Variants in PCMTD1 observed in about 807,000 individuals in gnomAD.
The protein encoded by PCMTD1 is protein-L-isoaspartate O-methyltransferase domain-containing protein 1.
In PCMTD1, 12 loss-of-function variants were observed where a neutral mutation model predicts 37.6. The observed-to-expected ratio is 0.32, with a 90% CI of 0.20 to 0.52. The LOEUF is 0.52. Among genes scored for constraint, PCMTD1 ranks in the 20% least tolerant of loss-of-function variants. PCMTD1 has a pLI of 0.97. For synonymous variants in PCMTD1, 117 were observed against 135.8 expected (o/e 0.86, Z 0.96); for missense variants, 235 against 421.3 (o/e 0.56, Z 3.87).
intron 1 of PCMTD1, among the ~76,000 whole-genome samples, chr8:51,861,485 G>GT (rs1271692677): frequency 3.9e-5 from 6 of 152,136 alleles, no homozygotes; most frequent in Non-Finnish European, 8.8e-5. Flanking sequence ...AAGAAGTCAA[G>GT]TAAGTCACCT....
chr8:51,817,997 C>T lies in PCMTD1; in HGVS notation c.*2354G>A. 1 of 453,978 alleles carries T rather than the reference C, an allele frequency of 2.2e-6. No homozygotes were observed. The highest frequency in any genetic ancestry group is 1.6e-5 in the South Asian group (1 of 64,110). 28.1% of individuals were successfully genotyped at this position (453,978 alleles called of 1,614,324 possible). On this transcript the variant is annotated 3_prime_UTR_variant, in exon 6 of 6. Coordinates refer to ENST00000522514, the MANE Select transcript of PCMTD1 (RefSeq NM_052937.4). ...AGCTATAAAATTCCAATACTATATT[C>T]CCCATCATTTTCACTTACTTTTACT...
intron 1 of PCMTD1, among the ~76,000 whole-genome samples, chr8:51,892,691 ACT>A (rs1228178237): frequency 6.6e-6 from 1 of 152,092 alleles, no homozygotes; most frequent in African/African-American, 2.4e-5. Flanking sequence ...TCTATAATAT[ACT>A]CTGAGGCTGA....
intron 1 of PCMTD1, among the ~76,000 whole-genome samples, chr8:51,864,934 T>C (rs13267241): frequency 0.51 from 77,040 of 151,218 alleles, 23,648 homozygotes; most frequent in Non-Finnish European, 0.68. Flanking sequence ...ATAAACAAAA[T>C]CAAAAAACCT....
At chr8:51,859,619 C>T (rs2038442687) in intron 2 of PCMTD1, among the ~76,000 whole-genome samples, 1 of 151,830 alleles carries the variant, frequency 6.6e-6, no homozygotes, top group Non-Finnish European at 1.5e-5. Flanking sequence ...CCTGACTATA[C>T]CTTAAAAGTC....
intron 1 of PCMTD1, among the ~76,000 whole-genome samples, chr8:51,890,029 C>A (rs2038916253): frequency 6.6e-6 from 1 of 151,244 alleles, no homozygotes; most frequent in Admixed American, 6.6e-5. Flanking sequence ...TATATAAAGC[C>A]TTTTTGTCAT....
rs1006855845 is a variant in PCMTD1, at chr8:51,895,158, C to A, written c.-96+3772G>T. Among the ~76,000 whole-genome samples, 10 of 152,138 alleles carry A rather than the reference C, an allele frequency of 6.6e-5. No individual in the cohort carries two copies. The East Asian group carries it at 1.9e-3, about 29-fold the overall frequency. ...GAAAAGAACTAAACCTAAGGTAACA[C>A]CTACAGGCAACATCTATCTATACTT... is the stretch of plus-strand genomic sequence containing the variant. On this transcript the variant is annotated intron_variant, in intron 1 of 5. Transcript: ENST00000522514.
chr8:51,894,240 T>A (rs1300505320), intron 1 of PCMTD1, among the ~76,000 whole-genome samples: 1 of 152,238 alleles, frequency 6.6e-6, no homozygotes, highest in Non-Finnish European at 1.5e-5. Flanking sequence ...AACTGAAGTT[T>A]ACATTCTTTT....
At chr8:51,870,797 T>C (rs1271402307) in intron 1 of PCMTD1, among the ~76,000 whole-genome samples, 1 of 152,198 alleles carries the variant, frequency 6.6e-6, no homozygotes, top group African/African-American at 2.4e-5. Flanking sequence ...AGATGTTCAA[T>C]TCAGCTGTCT....
In PCMTD1 at chr8:51,860,989, C is replaced by A; in HGVS notation, c.163G>T (p.Ala55Ser). 6.2e-7 allele frequency: 1 copy of A among 1,614,122 alleles called. No individual in the cohort carries two copies. Among genetic ancestry groups the A allele is most frequent in the Non-Finnish European group, 8.5e-7 (1 of 1,180,012 alleles). The change falls in exon 2 of 6, where the codon GCC becomes TCC. Residue 55 changes from alanine to serine, a missense_variant. Physicochemically the swap from Ala to Ser is moderately conservative, Grantham distance 99 (BLOSUM62 1). This residue lies in a region of PCMTD1 where 183 missense variants were observed against 349.3 expected (regional missense o/e 0.52). Transcript: ENST00000522514. ...GYRDNAYKDL[A>S]WKHGNIHLSA... ...AAGTGGATGTTTCCATGCTTCCAGG[C>A]TAAGTCTTTGTAAGCATTGTCTCTG...
chr8:51,878,902 A>G (rs1283081301), intron 1 of PCMTD1, among the ~76,000 whole-genome samples: 1 of 152,210 alleles, frequency 6.6e-6, no homozygotes, highest in African/African-American at 2.4e-5. Flanking sequence ...AGGTGTGAGG[A>G]CTGCTTGAGC....
intron 2 of PCMTD1, among the ~76,000 whole-genome samples, chr8:51,855,307 C>T (rs2038370575): frequency 6.7e-6 from 1 of 148,662 alleles, no homozygotes; most frequent in African/African-American, 2.5e-5. Context: ...GTGGGCAGAA[C>T]ACTTGAGGTC....
intron 4 of PCMTD1, among the ~76,000 whole-genome samples, chr8:51,832,504 G>C (rs2038012069): frequency 6.6e-6 from 1 of 152,068 alleles, no homozygotes. Context: ...TATCATGCTA[G>C]GTCTCAGTCA....
intron 1 of PCMTD1, among the ~76,000 whole-genome samples, chr8:51,882,028 C>T (rs2038799378): frequency 6.7e-6 from 1 of 150,004 alleles, no homozygotes; most frequent in Non-Finnish European, 1.5e-5. Flanking sequence ...ATCTCTAAGT[C>T]CAACCCCAAA....
At position 51,819,588 on chromosome 8, in the gene PCMTD1, T is replaced by G. The variant is rs375664402; in HGVS notation, c.*763A>C. 1 of 104,206 alleles carries G rather than the reference T, an allele frequency of 9.6e-6. No homozygotes were observed. The highest frequency in any genetic ancestry group is 2.7e-5 in the Non-Finnish European group (1 of 36,868). 6.5% of individuals were successfully genotyped at this position (104,206 alleles called of 1,614,324 possible). ...TTCTAAATATACTTTTAAAATTCTA[T>G]AGAGTTAAGATAACCTCATTTTTTT... is the stretch of plus-strand genomic sequence containing the variant. On this transcript the variant is annotated 3_prime_UTR_variant, in exon 6 of 6. Coordinates refer to ENST00000522514, the MANE Select transcript of PCMTD1 (RefSeq NM_052937.4).
chr8:51,849,952 G>A, intron 2 of PCMTD1: 2 of 653,454 alleles, frequency 3.1e-6, no homozygotes, highest in Non-Finnish European at 5.5e-6. Context: ...GAAGTTCACT[G>A]TGCCTTTAGT....
chr8:51,896,768 A>C (rs2039007024), intron 1 of PCMTD1, among the ~76,000 whole-genome samples: 1 of 152,134 alleles, frequency 6.6e-6, no homozygotes, highest in Non-Finnish European at 1.5e-5. Context: ...GGAACATTTC[A>C]AAGAAAGCAG....
intron 1 of PCMTD1, among the ~76,000 whole-genome samples, chr8:51,892,651 T>TAATTGAAATAC (rs1448732260): frequency 2.0e-5 from 3 of 152,236 alleles, no homozygotes; most frequent in Non-Finnish European, 4.4e-5. Flanking sequence ...AAATCAATTA[T>TAATTGAAATAC]AATTGAAATA....
At chr8:51,876,250 CA>C in intron 1 of PCMTD1, among the ~76,000 whole-genome samples, 1 of 152,296 alleles carries the variant, frequency 6.6e-6, no homozygotes, top group East Asian at 1.9e-4. Flanking sequence ...AACAAGATCT[CA>C]GCAGCTTCAT....
intron 1 of PCMTD1, among the ~76,000 whole-genome samples, chr8:51,886,169 C>T (rs924324923): frequency 3.9e-5 from 6 of 152,188 alleles, no homozygotes; most frequent in African/African-American, 1.4e-4. Flanking sequence ...CAACATATTG[C>T]CGAAGAGACT....
Sources: gnomAD v4.1 joint callset for allele counts (sites outside exome capture counted in the v4.1 genomes callset) on GRCh38, gnomAD v4.1.1 for gene constraint, gnomAD v4.1.1 regional missense constraint, MANE v1.5 for transcripts, NCBI Gene and HGNC (gene_info 2026-07-23, HGNC 2026-07-21) for gene names.